The following KHDRBS2 variants were observed in gnomAD, a reference collection of about 807,000 sequenced individuals.
KHDRBS2 encodes the protein KH domain-containing, RNA-binding, signal transduction-associated protein 2.
A neutral mutation model predicts 44.3 loss-of-function variants in KHDRBS2; 26 were observed. The observed-to-expected ratio is 0.59, with a 90% CI of 0.43 to 0.81. The LOEUF is 0.81. KHDRBS2 is among the 40% of genes least tolerant of loss of function. The pLI, the probability that KHDRBS2 is intolerant of heterozygous loss-of-function variation, is 0.00. For missense variants in KHDRBS2, 476 were observed against 433.1 expected, an observed-to-expected ratio of 1.10 and a Z score of -0.88; for synonymous variants, 194 against 151.1, an observed-to-expected ratio of 1.28 and a Z score of -2.08.
chr6:61,577,070 C>T, the KHDRBS2 span, among the ~76,000 whole-genome samples: 3 of 151,518 alleles, frequency 2.0e-5, no homozygotes, highest in Admixed American at 1.3e-4. Flanking sequence ...ATTTAACAGT[C>T]TTTCCTCTTA....
the KHDRBS2 span, among the ~76,000 whole-genome samples, chr6:61,672,275 T>G: frequency 6.6e-6 from 1 of 151,950 alleles, no homozygotes; most frequent in African/African-American, 2.4e-5. Flanking sequence ...TTCCAAGTCT[T>G]TGCTAATGTG....
At chr6:61,842,947 G>T (rs568063782) in intron 6 of KHDRBS2, among the ~76,000 whole-genome samples, 3 of 151,310 alleles carry the variant, frequency 2.0e-5, no homozygotes, top group African/African-American at 7.3e-5. Flanking sequence ...ATTACAGATA[G>T]ATAATCTATC....
chr6:61,614,647 C>G, the KHDRBS2 span, among the ~76,000 whole-genome samples: 1 of 152,118 alleles, frequency 6.6e-6, no homozygotes, highest in Non-Finnish European at 1.5e-5. Flanking sequence ...AGTCCACTGA[C>G]ATTTTTATTC....
the KHDRBS2 span, among the ~76,000 whole-genome samples, chr6:61,576,626 A>C: frequency 2.0e-5 from 3 of 152,160 alleles, no homozygotes; most frequent in African/African-American, 7.2e-5. Flanking sequence ...ACATTTATTC[A>C]AAATTTTGAG....
chr6:61,950,988 T>C (rs1237268540), intron 4 of KHDRBS2, among the ~76,000 whole-genome samples: 1 of 152,068 alleles, frequency 6.6e-6, no homozygotes, highest in African/African-American at 2.4e-5. Context: ...TGTATGACTT[T>C]TATATTTTTC....
intron 2 of KHDRBS2, among the ~76,000 whole-genome samples, chr6:62,059,341 G>T (rs1308446957): frequency 6.7e-6 from 1 of 150,344 alleles, no homozygotes; most frequent in South Asian, 2.1e-4. Context: ...AGATGTAGTG[G>T]AGCAGGAAAA....
At chr6:61,574,361 T>C in the KHDRBS2 span, 1 of 1,527,222 alleles carries the variant, frequency 6.5e-7, no homozygotes, top group Admixed American at 2.0e-5. Flanking sequence ...TCTCTTACTT[T>C]CAACCACTGC....
At chr6:61,924,472 A>T (rs903232652) in intron 4 of KHDRBS2, among the ~76,000 whole-genome samples, 1 of 151,754 alleles carries the variant, frequency 6.6e-6, no homozygotes, top group African/African-American at 2.4e-5. Context: ...AATAAGTCAA[A>T]TTAAAAAATT....
chr6:61,987,082 C>T (rs1173451981), intron 3 of KHDRBS2, among the ~76,000 whole-genome samples: 1 of 152,172 alleles, frequency 6.6e-6, no homozygotes, highest in Admixed American at 6.5e-5. Flanking sequence ...GTTTCTATTT[C>T]ATGATGGCCA....
At chr6:61,752,557 G>A (rs559889130) in intron 6 of KHDRBS2, among the ~76,000 whole-genome samples, 1 of 148,292 alleles carries the variant, frequency 6.7e-6, no homozygotes, top group East Asian at 2.0e-4. Context: ...GCTTCTTCTA[G>A]TATTTTAATT....
intron 3 of KHDRBS2, among the ~76,000 whole-genome samples, chr6:62,022,232 A>G (rs751176825): frequency 6.6e-6 from 1 of 151,720 alleles, no homozygotes; most frequent in Non-Finnish European, 1.5e-5. Context: ...AAATGTTTAA[A>G]TAAAGAAGTA....
the KHDRBS2 span, chr6:61,574,529 C>A: frequency 7.5e-5 from 45 of 598,610 alleles, 1 homozygote; most frequent in South Asian, 8.7e-4. Flanking sequence ...CGGAGTATAA[C>A]CCAACCTCCG....
chr6:62,104,771 A>C (rs1165543241), intron 2 of KHDRBS2, among the ~76,000 whole-genome samples: 1 of 152,118 alleles, frequency 6.6e-6, no homozygotes, highest in Non-Finnish European at 1.5e-5. Context: ...TATCACTTTA[A>C]AAATTCGTAG....
intron 8 of KHDRBS2, 42 bp from the exon 9 acceptor site, chr6:61,681,102 A>G: frequency 1.5e-6 from 2 of 1,351,924 alleles, no homozygotes; most frequent in South Asian, 2.4e-5. Context: ...ATGACTTCAC[A>G]GTTACCAAAA....
intron 1 of KHDRBS2, among the ~76,000 whole-genome samples, chr6:62,194,782 C>T (rs1825337066): frequency 6.6e-6 from 1 of 151,866 alleles, no homozygotes; most frequent in Admixed American, 6.6e-5. Context: ...GTTGGAATTA[C>T]AGGTGTGAGT....
intron 7 of KHDRBS2, among the ~76,000 whole-genome samples, chr6:61,705,872 C>T (rs1001099941): frequency 6.6e-6 from 1 of 151,812 alleles, no homozygotes; most frequent in African/African-American, 2.4e-5. Flanking sequence ...CAATGCTATA[C>T]ACCTCCTATA....
the KHDRBS2 span, among the ~76,000 whole-genome samples, chr6:61,575,532 A>G: frequency 1.3e-5 from 2 of 152,198 alleles, no homozygotes; most frequent in South Asian, 4.1e-4. Flanking sequence ...TACAACCACT[A>G]TGGAAAACAG....
intron 2 of KHDRBS2, among the ~76,000 whole-genome samples, chr6:62,136,836 T>TC (rs1230398195): frequency 6.6e-6 from 1 of 152,076 alleles, no homozygotes; most frequent in Non-Finnish European, 1.5e-5. Context: ...AGAGCCTTGC[T>TC]CTTTGTTGAC....
intron 2 of KHDRBS2, among the ~76,000 whole-genome samples, chr6:62,144,512 C>G (rs927255266): frequency 4.0e-5 from 6 of 151,748 alleles, no homozygotes; most frequent in African/African-American, 1.4e-4. Context: ...TACCTGTATA[C>G]GTAAATTCTA....
Sources: gnomAD v4.1 joint callset for allele counts (sites outside exome capture counted in the v4.1 genomes callset) on GRCh38, gnomAD v4.1.1 for gene constraint, MANE v1.5 for transcripts, NCBI Gene and HGNC (gene_info 2026-07-23, HGNC 2026-07-21) for gene names.